Variants in ASXL3 observed in about 807,000 individuals in gnomAD.
ASXL3 encodes the protein ASXL transcriptional regulator 3, also known as putative Polycomb group protein ASXL3.
In ASXL3, 34 loss-of-function variants were observed where a neutral mutation model predicts 170.6. The ratio of observed to expected loss-of-function variants is 0.20; its 90% CI spans 0.15 to 0.27. The LOEUF (loss-of-function observed/expected upper bound fraction) is 0.27. Ranked by LOEUF, ASXL3 falls within the 10% of genes least tolerant of loss-of-function variation. ASXL3 has a pLI of 1.00. For synonymous variants in ASXL3, 1,002 were observed against 989.1 expected (o/e 1.01, Z -0.24); for missense variants, 2,592 against 2,695.3 (o/e 0.96, Z 0.85).
intron 1 of ASXL3, among the ~76,000 whole-genome samples, chr18:33,607,208 T>TA (rs1376287548): frequency 1.4e-4 from 21 of 151,984 alleles, no homozygotes; most frequent in Non-Finnish European, 3.1e-4. Flanking sequence ...GTATTCAGGC[T>TA]CCATGTTTCC....
intron 4 of ASXL3, among the ~76,000 whole-genome samples, chr18:33,651,416 G>A (rs934937420): frequency 1.3e-5 from 2 of 152,054 alleles, no homozygotes. Context: ...ATGTGTGTGT[G>A]TGAGGGAGCA....
intron 2 of ASXL3, among the ~76,000 whole-genome samples, chr18:33,622,482 A>G (rs549113833): frequency 9.8e-5 from 15 of 152,296 alleles, no homozygotes; most frequent in Non-Finnish European, 1.9e-4. Flanking sequence ...AGCACAATCT[A>G]TTCTGTAAGC....
intron 5 of ASXL3, among the ~76,000 whole-genome samples, chr18:33,669,496 A>T (rs779293515): frequency 6.6e-6 from 1 of 152,226 alleles, no homozygotes; most frequent in Non-Finnish European, 1.5e-5. Context: ...AGTTGTCTGC[A>T]TAATTTAAAT....
At chr18:33,606,616 A>G (rs926076850) in intron 1 of ASXL3, among the ~76,000 whole-genome samples, 1 of 152,020 alleles carries the variant, frequency 6.6e-6, no homozygotes, top group Non-Finnish European at 1.5e-5. Context: ...GATTCTTCCA[A>G]TAATCATAGA....
At position 33,731,999 on chromosome 18, in the gene ASXL3, C is replaced by A. The variant is rs1225332574; in HGVS notation, c.911C>A (p.Thr304Asn). The A allele has an allele frequency of 6.2e-7, 1 of 1,612,644 alleles. No homozygotes were observed. Among genetic ancestry groups the A allele is most frequent in the Non-Finnish European group, 8.5e-7 (1 of 1,179,496 alleles). The stretch of plus-strand genomic sequence containing the variant: ...AGTGATGGAATTTTACGCCTCAGTA[C>A]TTCAGCTCTAAATAATGAATTCTTT... ...MGSDGILRLSTSALNNEFFAY... is the reference protein window; with the variant it reads ...MGSDGILRLSNSALNNEFFAY... Residue 304 changes from threonine (T) to asparagine (N), a missense_variant, in exon 9 of 12, where the codon ACT becomes AAT. By Grantham distance (65) the Thr-to-Asn change is moderately conservative. Transcript: ENST00000269197.
At chr18:33,688,981 G>A (rs1568329392) in intron 8 of ASXL3, among the ~76,000 whole-genome samples, 1 of 149,680 alleles carries the variant, frequency 6.7e-6, no homozygotes, top group Non-Finnish European at 1.5e-5. Context: ...ATGATGACTT[G>A]AAAGGTGTAT....
chr18:33,660,590 G>GT (rs919993586), intron 4 of ASXL3, among the ~76,000 whole-genome samples: 3 of 152,108 alleles, frequency 2.0e-5, no homozygotes, highest in Non-Finnish European at 4.4e-5. Flanking sequence ...CATGTTTTGA[G>GT]TTTTTTTACA....
chr18:33,617,111 G>C (rs1329327622), intron 2 of ASXL3, among the ~76,000 whole-genome samples: 2 of 151,966 alleles, frequency 1.3e-5, no homozygotes, highest in African/African-American at 4.8e-5. Flanking sequence ...GCTTAACACA[G>C]TACCATGGTT....
At chr18:33,712,443 A>C (rs1400799385) in intron 8 of ASXL3, among the ~76,000 whole-genome samples, 1 of 152,174 alleles carries the variant, frequency 6.6e-6, no homozygotes, top group Non-Finnish European at 1.5e-5. Flanking sequence ...ATATGAAAGA[A>C]TTTAGGTTAT....
At chr18:33,591,977 A>G (rs1008145897) in intron 1 of ASXL3, among the ~76,000 whole-genome samples, 7 of 152,100 alleles carry the variant, frequency 4.6e-5, no homozygotes, top group African/African-American at 1.7e-4. Context: ...ACTTCATAGT[A>G]GGAAATGAAC....
intron 2 of ASXL3, among the ~76,000 whole-genome samples, chr18:33,627,252 G>A (rs1157153511): frequency 6.6e-6 from 1 of 152,094 alleles, no homozygotes; most frequent in African/African-American, 2.4e-5. Flanking sequence ...TTCCCAGATT[G>A]GTGTCGCTCA....
intron 8 of ASXL3, among the ~76,000 whole-genome samples, chr18:33,691,907 T>C (rs1026395589): frequency 1.3e-5 from 2 of 152,184 alleles, no homozygotes. Flanking sequence ...ACATATATTA[T>C]CAGCAATTCT....
chr18:33,661,823 T>G, intron 5 of ASXL3, 86 bp downstream of exon 5: 1 of 1,389,654 alleles, frequency 7.2e-7, no homozygotes, highest in Non-Finnish European at 9.6e-7. Context: ...AACAATAACC[T>G]AGCAATCAGA....
At chr18:33,727,110 A>G (rs2067365332) in intron 8 of ASXL3, among the ~76,000 whole-genome samples, 1 of 151,704 alleles carries the variant, frequency 6.6e-6, no homozygotes, top group African/African-American at 2.4e-5. Context: ...TATTTTCTTC[A>G]TGTTTTGGCT....
At chr18:33,726,185 T>G (rs1420874190) in intron 8 of ASXL3, among the ~76,000 whole-genome samples, 1 of 152,172 alleles carries the variant, frequency 6.6e-6, no homozygotes, top group Non-Finnish European at 1.5e-5. Context: ...CAAAAATTCT[T>G]GATATCAGCC....
chr18:33,587,536 AAT>A (rs1215188619), intron 1 of ASXL3, among the ~76,000 whole-genome samples: 15 of 152,116 alleles, frequency 9.9e-5, no homozygotes, highest in Admixed American at 4.6e-4. Context: ...CACCTTTAAA[AAT>A]ATGTTTTAAT....
At chr18:33,652,638 G>T (rs1284240797) in intron 4 of ASXL3, among the ~76,000 whole-genome samples, 2 of 134,828 alleles carry the variant, frequency 1.5e-5, no homozygotes, top group South Asian at 2.4e-4. Context: ...TTATGTTTTA[G>T]ACCTTAGATC....
At chr18:33,604,042 T>G (rs1470604682) in intron 1 of ASXL3, among the ~76,000 whole-genome samples, 2 of 152,028 alleles carry the variant, frequency 1.3e-5, no homozygotes, top group Non-Finnish European at 2.9e-5. Context: ...AAATGAATTG[T>G]AAAGTGCTCA....
rs75658854 is a variant in ASXL3 at position 33,649,320 on chromosome 18, T to G, written c.355+2967T>G. Among the ~76,000 whole-genome samples, 464 of 152,152 alleles carry G rather than the reference T, an allele frequency of 3.0e-3. 3 individuals are homozygous for G. Among genetic ancestry groups the G allele is most frequent in the African/African-American group, 0.011 (450 of 41,544 alleles). ...AGGCAGTAGGAAAAGCGAGGGTGTT[T>G]CAGTAGAAGTGAAGGTAGGCCAGTA... On this transcript the variant is annotated intron_variant, in intron 4 of 11. Transcript: ENST00000269197.
Sources: allele counts gnomAD v4.1 joint callset (sites outside exome capture counted in the v4.1 genomes callset), GRCh38; gene constraint gnomAD v4.1.1; transcripts MANE v1.5; gene names NCBI Gene and HGNC (gene_info 2026-07-23, HGNC 2026-07-21).